Variants in ABT1 observed in about 807,000 individuals in gnomAD.
The protein encoded by ABT1 is activator of basal transcription 1.
In ABT1, 13 loss-of-function variants were observed where a neutral mutation model predicts 14.0. The observed-to-expected ratio is 0.93, with a 90% CI of 0.61 to 1.48. ABT1 has a LOEUF of 1.48. Among genes scored for constraint, ABT1 ranks in the 40% most tolerant of loss-of-function variants. The pLI, the probability that ABT1 is intolerant of heterozygous loss-of-function variation, is 0.00. For synonymous variants in ABT1, 165 were observed against 144.6 expected, an observed-to-expected ratio of 1.14 and a Z score of -1.01; for missense variants, 430 against 380.0, an observed-to-expected ratio of 1.13 and a Z score of -1.09.
In ABT1 at chr6:26,598,743, T is replaced by C; in HGVS notation, c.*98T>C. 1 of 1,438,152 alleles carries C rather than the reference T, an allele frequency of 7.0e-7. No homozygotes were observed. 89.1% of individuals were successfully genotyped at this position (1,438,152 alleles called of 1,614,324 possible). A position where few individuals can be genotyped will look rare whatever the true frequency, so the allele number is the denominator to read the frequency against. On this transcript the variant is annotated 3_prime_UTR_variant, in exon 3 of 3. Transcript: ENST00000274849. ...CTACCCGGGCAGACATTTTACTGTG[T>C]TTCTCAGACCAAGTGTCTACTGATG...
chr6:26,597,793 G>A, intron 1 of ABT1, 121 bp from the exon 2 acceptor site: 2 of 1,002,348 alleles, frequency 2.0e-6, no homozygotes, highest in Non-Finnish European at 2.9e-6. Context: ...TTCCTCCTGG[G>A]CAAAAACTCT....
chr6:26,597,090 C>G lies in ABT1; in HGVS notation c.108C>G (p.Ala36=), dbSNP rs1554144546. The change falls in exon 1 of 3, where the codon GCC becomes GCG. Residue 36 remains alanine, a synonymous_variant. Transcript: ENST00000274849. ...AGCAGGAGGAATCCGAAGAAGCGGC[C>G]TGTGGCAGCAAGAAACGGGTAGTGC... ...EEEQEESEEA[A]CGSKKRVVPG... 2.5e-6 allele frequency: 4 copies of G among 1,613,960 alleles called. No homozygotes were observed. The Admixed American group carries it at 6.7e-5, about 27-fold the overall frequency.
chr6:26,598,862 C>A lies in ABT1; in HGVS notation c.*217C>A. 1.9e-6 allele frequency: 1 copy of A among 518,194 alleles called. No individual in the cohort carries two copies. Among genetic ancestry groups the A allele is most frequent in the Non-Finnish European group, 3.3e-6 (1 of 306,008 alleles). 32.1% of individuals were successfully genotyped at this position (518,194 alleles called of 1,614,324 possible). A position where few individuals can be genotyped will look rare whatever the true frequency, so the allele number is the denominator to read the frequency against. On this transcript the variant is annotated 3_prime_UTR_variant, in exon 3 of 3. Transcript: ENST00000274849. ...CACCTAATTCATACTGTCATACTAG[C>A]ATAATTATGACTATTGCATATGCTT...
In ABT1 at chr6:26,597,901, C is replaced by T; in HGVS notation, c.242-13C>T. 1.2e-6 allele frequency: 2 copies of T among 1,601,968 alleles called. No homozygotes were observed. The highest frequency in any genetic ancestry group is 1.7e-6 in the Non-Finnish European group (2 of 1,172,260). On this transcript the variant is annotated splice_polypyrimidine_tract_variant and intron_variant, in intron 1 of 2. Transcript: ENST00000274849. ...ATAGGCGTCCTGGACGGGTCTTTGT[C>T]TTTGGCGCGCAGACCGGTTCGTGAG...
rs755965085 is a variant in ABT1 at position 26,596,966 on chromosome 6, C to T, written c.-17C>T. 4.4e-6 allele frequency: 7 copies of T among 1,603,752 alleles called. No homozygotes were observed. The highest frequency in any genetic ancestry group is 5.1e-6 in the Non-Finnish European group (6 of 1,175,654). The stretch of plus-strand genomic sequence containing the variant: ...GCAAGGCACTTTACGGCCGTCGTGC[C>T]GCTCGTGTCAGTCAACATGGAGGCA... On this transcript the variant is annotated 5_prime_UTR_variant, in exon 1 of 3. Coordinates refer to ENST00000274849, the MANE Select transcript of ABT1 (RefSeq NM_013375.4).
At position 26,598,364 on chromosome 6, in the gene ABT1, C is replaced by T. The variant is rs538835370; in HGVS notation, c.538C>T (p.Arg180Cys). 1 of 1,614,286 alleles carries T rather than the reference C, an allele frequency of 6.2e-7. No homozygotes were observed. Among genetic ancestry groups the T allele is most frequent in the Non-Finnish European group, 8.5e-7 (1 of 1,180,052 alleles). Residue 180 changes from arginine to cysteine, a missense_variant, in exon 3 of 3, where the codon CGT (arginine) becomes TGT (cysteine). Coordinates refer to ENST00000274849, the MANE Select transcript of ABT1 (RefSeq NM_013375.4). Reference sequence around the variant, plus strand: ...GAGAGCGGAGGTTGCTCAAGCCAAGCGTGAGACCGACTTCTATCTTCAAAG... The same window carrying T: ...GAGAGCGGAGGTTGCTCAAGCCAAGTGTGAGACCGACTTCTATCTTCAAAG... ...RLRAEVAQAK[R>C]ETDFYLQSVE...
At position 26,598,906 on chromosome 6, in the gene ABT1, C is replaced by A; in HGVS notation, c.*261C>A. 1 of 361,784 alleles carries A rather than the reference C, an allele frequency of 2.8e-6. No individual in the cohort carries two copies. Among genetic ancestry groups the A allele is most frequent in the Non-Finnish European group, 4.9e-6 (1 of 203,030 alleles). 22.4% of individuals were successfully genotyped at this position (361,784 alleles called of 1,614,324 possible). The stretch of plus-strand genomic sequence containing the variant: ...TATGCTTGTTTTGTTTGACTCTTGG[C>A]TGCCTACGTCTGTAGGGTCCCCTGA... On this transcript the variant is annotated 3_prime_UTR_variant, in exon 3 of 3. Coordinates refer to ENST00000274849, the MANE Select transcript of ABT1 (RefSeq NM_013375.4).
Position 26,598,916 on chromosome 6 carries a change from CT to C in ABT1, c.*272del. 3.1e-6 allele frequency: 1 copy of C among 327,144 alleles called. No individual in the cohort carries two copies. The highest frequency in any genetic ancestry group is 5.5e-6 in the Non-Finnish European group (1 of 180,772). 20.3% of individuals were successfully genotyped at this position (327,144 alleles called of 1,614,324 possible). A position where few individuals can be genotyped will look rare whatever the true frequency, so the allele number is the denominator to read the frequency against. On this transcript the variant is annotated 3_prime_UTR_variant, in exon 3 of 3. Transcript: ENST00000274849. Reference sequence around the variant, plus strand: ...TTGTTTGACTCTTGGCTGCCTACGTCTGTAGGGTCCCCTGAAAATCCCACTT... The same window carrying C: ...TTGTTTGACTCTTGGCTGCCTACGTCGTAGGGTCCCCTGAAAATCCCACTT...
chr6:26,598,086 C>T lies in ABT1; in HGVS notation c.414C>T (p.Phe138=). 1 of 1,611,004 alleles carries T rather than the reference C, an allele frequency of 6.2e-7. No individual in the cohort carries two copies. The highest frequency in any genetic ancestry group is 8.5e-7 in the Non-Finnish European group (1 of 1,177,628). ...TGGGTGCCCGCAGGCGCAGCCCCTT[C>T]CGTTATGATCTTTGGAACCTCAAGG... ...TPMGARRRSP[F]RYDLWNLKYL... Residue 138 remains phenylalanine, a synonymous_variant, in exon 2 of 3, where the codon TTC becomes TTT. Coordinates refer to ENST00000274849, the MANE Select transcript of ABT1 (RefSeq NM_013375.4).
At position 26,598,518 on chromosome 6, in the gene ABT1, G is replaced by T. The variant is rs1554144814; in HGVS notation, c.692G>T (p.Arg231Leu). The change falls in exon 3 of 3, where the codon CGT becomes CTT. Residue 231 changes from arginine to leucine, a missense_variant. Arg to Leu is a moderately radical substitution (Grantham distance 102, BLOSUM62 -2). Transcript: ENST00000274849. ...CGTAAAGCAGCACGGCCAGGGGGAC[G>T]TGAACGGGCTCGCCTGGCAACTGCC... is the stretch of plus-strand genomic sequence containing the variant. ...RARKAARPGG[R>L]ERARLATAQD... 3 of 1,613,742 alleles carry T rather than the reference G, an allele frequency of 1.9e-6. No homozygotes were observed. In the African/African-American group the frequency reaches 4.0e-5, roughly 22 times the overall value.
At position 26,597,160 on chromosome 6, in the gene ABT1, C is replaced by G. The variant is rs782573712; in HGVS notation, c.178C>G (p.Leu60Val). 6 of 1,614,144 alleles carry G rather than the reference C, an allele frequency of 3.7e-6. No individual in the cohort carries two copies. The highest frequency in any genetic ancestry group is 1.1e-5 in the South Asian group (1 of 91,096). ...CCATATCCCGCCGCGCTTCCGGCCC[C>G]TGCACGTCCGCAACCTTCTCAGCGC... ...LGHIPPRFRP[L>V]HVRNLLSAYG... Residue 60 changes from leucine to valine, a missense_variant, in exon 1 of 3, where the codon CTG becomes GTG. Physicochemically the swap from Leu to Val is conservative, Grantham distance 32 (BLOSUM62 1). Coordinates refer to ENST00000274849, the MANE Select transcript of ABT1 (RefSeq NM_013375.4).
At position 26,597,993 on chromosome 6, in the gene ABT1, G is replaced by A. The variant is rs776103597; in HGVS notation, c.321G>A (p.Glu107=). The A allele has an allele frequency of 1.2e-6, 2 of 1,614,238 alleles. No homozygotes were observed. Among genetic ancestry groups the A allele is most frequent in the East Asian group, 2.2e-5 (1 of 44,882 alleles). Reference sequence around the variant, plus strand: ...GGTCCTACACCAAGGACTACACCGAGGGATGGGTGGAGTTCCGTGACAAGC... The same window carrying A: ...GGTCCTACACCAAGGACTACACCGAAGGATGGGTGGAGTTCCGTGACAAGC... ...KKRSYTKDYT[E]GWVEFRDKRI... The change falls in exon 2 of 3, where the codon GAG becomes GAA. Residue 107 remains glutamate, a synonymous_variant. Transcript: ENST00000274849.
At position 26,597,946 on chromosome 6, in the gene ABT1, G is replaced by A. The variant is rs782352605; in HGVS notation, c.274G>A (p.Ala92Thr). ...RFVRRKKKAA[A>T]AAGGKKRSYT... ...CGTGAGACGCAAGAAGAAGGCAGCA[G>A]CAGCTGCCGGAGGAAAAAAGCGGTC... The change falls in exon 2 of 3, where the codon GCA becomes ACA. Residue 92 changes from alanine to threonine, a missense_variant. Ala to Thr is a moderately conservative substitution (Grantham distance 58). Transcript: ENST00000274849. The A allele has an allele frequency of 1.9e-6, 3 of 1,613,404 alleles. No individual in the cohort carries two copies. Among genetic ancestry groups the A allele is most frequent in the Non-Finnish European group, 1.7e-6 (2 of 1,179,534 alleles).
intron 2 of ABT1, 66 bp from the exon 3 acceptor site, chr6:26,598,199 G>T: frequency 6.4e-7 from 1 of 1,574,370 alleles, no homozygotes; most frequent in Non-Finnish European, 8.7e-7. Context: ...CATTGGCCTT[G>T]TCCCCTTGTC....
Position 26,598,441 on chromosome 6 carries a change from A to T in ABT1, c.615A>T (p.Pro205=), listed in dbSNP as rs782206758. The change falls in exon 3 of 3, where the codon CCA becomes CCT. Residue 205 remains proline (P), a synonymous_variant. Coordinates refer to ENST00000274849, the MANE Select transcript of ABT1 (RefSeq NM_013375.4). ...CGGCCGATGGGGACCCTGCTCGCCC[A>T]GATGGCTCCTGGACATTTGCCCAGC... is the stretch of plus-strand genomic sequence containing the variant. The part of the protein sequence containing the change: ...FLAADGDPAR[P]DGSWTFAQRP... 6.2e-7 allele frequency: 1 copy of T among 1,614,234 alleles called. No homozygotes were observed. The highest frequency in any genetic ancestry group is 8.5e-7 in the Non-Finnish European group (1 of 1,180,030).
Position 26,599,033 on chromosome 6 carries a change from G to A in ABT1, c.*388G>A, listed in dbSNP as rs1764943436. 1 of 171,636 alleles carries A rather than the reference G, an allele frequency of 5.8e-6. No homozygotes were observed. Among genetic ancestry groups the A allele is most frequent in the African/African-American group, 2.4e-5 (1 of 42,222 alleles). 10.6% of individuals were successfully genotyped at this position (171,636 alleles called of 1,614,324 possible). ...CTGTTTAGCAGTCACAGGTGAGGGT[G>A]GTATTAGCATCTTTTTTATGTAGAA... On this transcript the variant is annotated 3_prime_UTR_variant, in exon 3 of 3. Transcript: ENST00000274849.
chr6:26,597,538 A>G (rs773686958), intron 1 of ABT1, among the ~76,000 whole-genome samples: 1 of 152,150 alleles, frequency 6.6e-6, no homozygotes, highest in Non-Finnish European at 1.5e-5. Flanking sequence ...GGTTTGTTAC[A>G]TGAATACAAC....
Position 26,598,732 on chromosome 6 carries a change from A to T in ABT1, c.*87A>T, listed in dbSNP as rs1352228461. On this transcript the variant is annotated 3_prime_UTR_variant, in exon 3 of 3. Coordinates refer to ENST00000274849, the MANE Select transcript of ABT1 (RefSeq NM_013375.4). ...AATGATCGTGACTACCCGGGCAGAC[A>T]TTTTACTGTGTTTCTCAGACCAAGT... The T allele has an allele frequency of 6.8e-7, 1 of 1,463,400 alleles. No individual in the cohort carries two copies. Among genetic ancestry groups the T allele is most frequent in the African/African-American group, 1.4e-5 (1 of 70,824 alleles). The allele number at this position is 1,463,400 out of a possible 1,614,324, so 90.7% of individuals were successfully genotyped here.
In ABT1 at chr6:26,598,287, C is replaced by G. The variant is rs1554144775; in HGVS notation, c.461C>G (p.Ser154Cys). ...CAGTACTTGCACCGTTTCACCTGGT[C>G]CCACCTCAGCGAGCACCTCGCCTTT... ...NLKYLHRFTW[S>C]HLSEHLAFER... is the part of the protein sequence containing the mutation. The change falls in exon 3 of 3, where the codon TCC becomes TGC. Residue 154 changes from serine (S) to cysteine (C), a missense_variant. Physicochemically the swap from Ser to Cys is moderately radical, Grantham distance 112. Transcript: ENST00000274849. 1.2e-6 allele frequency: 2 copies of G among 1,613,850 alleles called. No individual in the cohort carries two copies. Among genetic ancestry groups the G allele is most frequent in the East Asian group, 2.2e-5 (1 of 44,864 alleles).
Sources: allele counts gnomAD v4.1 joint callset (sites outside exome capture counted in the v4.1 genomes callset), GRCh38; gene constraint gnomAD v4.1.1; transcripts MANE v1.5; gene names NCBI Gene and HGNC (gene_info 2026-07-23, HGNC 2026-07-21).